Variants in ROR1 observed in about 807,000 individuals in gnomAD.
ROR1 encodes ROR family WNT receptor 1.
In ROR1, 19 loss-of-function variants were observed where a neutral mutation model predicts 78.8. The observed-to-expected ratio is 0.24, with a 90% confidence interval of 0.17 to 0.35. The LOEUF (loss-of-function observed/expected upper bound fraction) is 0.35. Ranked by LOEUF, ROR1 falls within the 10% of genes least tolerant of loss-of-function variation. ROR1 has a pLI of 1.00. For missense variants in ROR1, 917 were observed against 1,177.8 expected (o/e 0.78, Z 3.24); for synonymous variants, 386 against 433.6 (o/e 0.89, Z 1.36).
chr1:64,004,725 A>G (rs767693910), intron 1 of ROR1, among the ~76,000 whole-genome samples: 12 of 152,160 alleles, frequency 7.9e-5, no homozygotes, highest in Non-Finnish European at 1.8e-4. Flanking sequence ...ATCCTTTCGG[A>G]GAGCACAGGC....
chr1:63,952,296 C>G (rs535707233), intron 1 of ROR1, among the ~76,000 whole-genome samples: 1 of 152,186 alleles, frequency 6.6e-6, no homozygotes, highest in Admixed American at 6.5e-5. Context: ...TGGGCCTTTT[C>G]GAGGAAGGTC....
At chr1:64,116,475 CCTCA>C (rs1553159382) in intron 4 of ROR1, among the ~76,000 whole-genome samples, 1 of 152,112 alleles carries the variant, frequency 6.6e-6, no homozygotes, top group Non-Finnish European at 1.5e-5. Flanking sequence ...ATGAGTATTA[CCTCA>C]AAAAGTATAG....
Position 64,179,104 on chromosome 1 carries a change from G to C in ROR1, c.*249G>C. ...CCATTGGAGTGCATGACATGGCATT[G>C]GGATTGGAACATGTGGTTTCGAGCA... On this transcript the variant is annotated 3_prime_UTR_variant, in exon 9 of 9. Transcript: ENST00000371079. 1 of 380,670 alleles carries C rather than the reference G, an allele frequency of 2.6e-6. No individual in the cohort carries two copies. The highest frequency in any genetic ancestry group is 4.7e-6 in the Non-Finnish European group (1 of 213,600). The allele number at this position is 380,670 out of a possible 1,614,324, so 23.6% of individuals were successfully genotyped here.
chr1:63,846,695 G>C (rs1055074524), intron 1 of ROR1, among the ~76,000 whole-genome samples: 10 of 152,170 alleles, frequency 6.6e-5, no homozygotes, highest in Admixed American at 6.5e-4. Flanking sequence ...CAACTGCGCG[G>C]CTTGATACTT....
chr1:63,803,087 G>A (rs1337771077), intron 1 of ROR1, among the ~76,000 whole-genome samples: 1 of 152,054 alleles, frequency 6.6e-6, no homozygotes, highest in African/African-American at 2.4e-5. Context: ...CATATTTCAG[G>A]TGCTCACTTG....
At chr1:64,146,747 G>C (rs1649484793) in intron 7 of ROR1, among the ~76,000 whole-genome samples, 1 of 152,180 alleles carries the variant, frequency 6.6e-6, no homozygotes. Flanking sequence ...TCAAACCCAT[G>C]CTAGGAGGGA....
At chr1:63,946,830 A>T (rs920248144) in intron 1 of ROR1, among the ~76,000 whole-genome samples, 5 of 152,164 alleles carry the variant, frequency 3.3e-5, no homozygotes, top group African/African-American at 4.8e-5. Flanking sequence ...GGATATCCTA[A>T]TGCCAGACGT....
chr1:64,155,067 A>G (rs573017062), intron 7 of ROR1, among the ~76,000 whole-genome samples: 3 of 152,340 alleles, frequency 2.0e-5, no homozygotes, highest in African/African-American at 7.2e-5. Context: ...TACTAGAAGC[A>G]CTGAAGGTAG....
In ROR1 at chr1:64,123,617, A is replaced by C. The variant is rs200177230; in HGVS notation, c.483-13752A>C. ...ACAAACAGTTCATGTAATAACTAGT[A>C]CAAAAGTTTTACAAAGGTGAACATA... On this transcript the variant is annotated intron_variant, in intron 4 of 8. Transcript: ENST00000371079. 9.2e-5 allele frequency among the ~76,000 whole-genome samples: 14 copies of C among 152,368 alleles called. No homozygotes were observed. The East Asian group carries it at 2.7e-3, about 29-fold the overall frequency.
chr1:64,046,946 A>G (rs1646789797), intron 2 of ROR1, among the ~76,000 whole-genome samples: 1 of 152,258 alleles, frequency 6.6e-6, no homozygotes, highest in African/African-American at 2.4e-5. Context: ...ATACTAAAGT[A>G]AAGCCCTAGC....
intron 1 of ROR1, among the ~76,000 whole-genome samples, chr1:63,868,288 GA>G (rs1645229545): frequency 6.6e-6 from 1 of 152,086 alleles, no homozygotes. Context: ...GTGTGCTGTT[GA>G]CCATAGTTCA....
intron 1 of ROR1, among the ~76,000 whole-genome samples, chr1:63,795,421 T>C (rs142453936): frequency 6.6e-6 from 1 of 152,364 alleles, no homozygotes; most frequent in African/African-American, 2.4e-5. Context: ...TTGGAGGGTA[T>C]GTTTTCTGAC....
At chr1:64,032,444 A>C (rs1242065143) in intron 2 of ROR1, among the ~76,000 whole-genome samples, 2 of 152,188 alleles carry the variant, frequency 1.3e-5, no homozygotes, top group Non-Finnish European at 2.9e-5. Context: ...TGCAAGGAAT[A>C]AATACCATCA....
chr1:63,951,626 G>A lies in ROR1; in HGVS notation c.92-57679G>A, dbSNP rs981059771. ...TTTCCCAGGGAGCCATGAAGATGAC[G>A]TTCTGGGCTCCACCCTTTATGCCTC... On this transcript the variant is annotated intron_variant, in intron 1 of 8. Coordinates refer to ENST00000371079, the MANE Select transcript of ROR1 (RefSeq NM_005012.4). Among the ~76,000 whole-genome samples, 5 of 152,272 alleles carry A rather than the reference G, an allele frequency of 3.3e-5. No homozygotes were observed. The East Asian group carries it at 5.8e-4, about 18-fold the overall frequency.
Position 64,050,775 on chromosome 1 carries a change from G to T in ROR1, c.482+59G>T. 4 of 1,539,498 alleles carry T rather than the reference G, an allele frequency of 2.6e-6. No individual in the cohort carries two copies. The South Asian group carries it at 3.4e-5, about 13-fold the overall frequency. Reference sequence around the variant, plus strand: ...AAGTGTTTCTCCGTGGTTTTCTAGGGCAAAAGCAATGTTGTCCTCTTCTTA... The same window carrying T: ...AAGTGTTTCTCCGTGGTTTTCTAGGTCAAAAGCAATGTTGTCCTCTTCTTA... On this transcript the variant is annotated intron_variant, in intron 4 of 8. Transcript: ENST00000371079.
intron 4 of ROR1, among the ~76,000 whole-genome samples, chr1:64,084,215 A>G (rs542334880): frequency 7.2e-5 from 11 of 152,350 alleles, no homozygotes; most frequent in African/African-American, 2.6e-4. Flanking sequence ...GATGATAAAA[A>G]TATCCAAGAA....
At chr1:64,077,463 GC>G (rs139144428) in intron 4 of ROR1, among the ~76,000 whole-genome samples, 22,287 of 152,282 alleles carry the variant, frequency 0.15, 1,729 homozygotes, top group Middle Eastern at 0.2. Flanking sequence ...GTGGAGCTGA[GC>G]TCTGTGTCTG....
At chr1:64,000,582 T>A (rs1380676394) in intron 1 of ROR1, among the ~76,000 whole-genome samples, 2 of 152,204 alleles carry the variant, frequency 1.3e-5, no homozygotes, top group Non-Finnish European at 2.9e-5. Flanking sequence ...CTAGTTGGGA[T>A]GTTTCTTTCT....
intron 1 of ROR1, among the ~76,000 whole-genome samples, chr1:63,922,405 T>C (rs1275624351): frequency 6.6e-6 from 1 of 152,168 alleles, no homozygotes; most frequent in Admixed American, 6.5e-5. Context: ...GATTCTCTCC[T>C]TTTCATAAGA....
Sources: gnomAD v4.1 joint callset for allele counts (sites outside exome capture counted in the v4.1 genomes callset) on GRCh38, gnomAD v4.1.1 for gene constraint, MANE v1.5 for transcripts, NCBI Gene and HGNC (gene_info 2026-07-23, HGNC 2026-07-21) for gene names.